Variants in KAZN observed in about 807,000 individuals in gnomAD.
KAZN encodes the protein kazrin, periplakin interacting protein, also known as kazrin.
Under a neutral mutation model 87.4 loss-of-function variants are expected in KAZN, and 40 were observed. The observed-to-expected ratio is 0.46, with a 90% CI of 0.36 to 0.60. The LOEUF is 0.60. Ranked by LOEUF, KAZN falls within the 20% of genes least tolerant of loss-of-function variation. The pLI, the probability that KAZN is intolerant of heterozygous loss-of-function variation, is 0.00. For missense variants in KAZN, 898 were observed against 1,073.9 expected (o/e 0.84, Z 2.29); for synonymous variants, 466 against 458.3 (o/e 1.02, Z -0.22).
At chr1:14,895,508 G>C (rs534743355) in intron 1 of KAZN, among the ~76,000 whole-genome samples, 1 of 152,188 alleles carries the variant, frequency 6.6e-6, no homozygotes, top group Non-Finnish European at 1.5e-5. Flanking sequence ...CCTTCCCCTG[G>C]GATCACATCA....
At chr1:14,143,563 T>A (rs867112943) in intron 1 of KAZN, among the ~76,000 whole-genome samples, 1 of 152,158 alleles carries the variant, frequency 6.6e-6, no homozygotes. Context: ...GTGTCAGAAT[T>A]TTTGTGAAAT....
At chr1:14,833,182 G>A (rs555455239) in intron 1 of KAZN, among the ~76,000 whole-genome samples, 4 of 152,298 alleles carry the variant, frequency 2.6e-5, no homozygotes, top group African/African-American at 9.6e-5. Context: ...TGAGGCAGAG[G>A]GAGTGAACCA....
chr1:14,091,583 T>C (rs1001025561), intron 1 of KAZN, among the ~76,000 whole-genome samples: 1 of 152,238 alleles, frequency 6.6e-6, no homozygotes, highest in African/African-American at 2.4e-5. Flanking sequence ...TACATCTTAC[T>C]GTAACATTTA....
intron 1 of KAZN, among the ~76,000 whole-genome samples, chr1:14,656,961 C>A (rs971128010): frequency 1.3e-5 from 2 of 152,224 alleles, no homozygotes; most frequent in African/African-American, 4.8e-5. Flanking sequence ...GGCGGAGATT[C>A]CTCTAGCTGG....
intron 14 of KAZN, chr1:15,114,233 G>C (rs1641759920): frequency 2.1e-6 from 1 of 469,118 alleles, no homozygotes; most frequent in Non-Finnish European, 3.9e-6. Context: ...CCTCACCCTT[G>C]GTAACCAACT....
At chr1:14,513,946 T>C (rs1035050955) in intron 2 of KAZN, among the ~76,000 whole-genome samples, 5 of 152,026 alleles carry the variant, frequency 3.3e-5, no homozygotes, top group African/African-American at 1.2e-4. Flanking sequence ...AATTTTCTCA[T>C]TTAAAGATAC....
chr1:14,005,903 G>A (rs1161856581), intron 1 of KAZN, among the ~76,000 whole-genome samples: 4 of 152,196 alleles, frequency 2.6e-5, no homozygotes, highest in African/African-American at 7.2e-5. Context: ...GGGCACTGTA[G>A]CATTCCCACT....
chr1:14,496,775 A>G (rs1339650162), intron 2 of KAZN, among the ~76,000 whole-genome samples: 2 of 152,112 alleles, frequency 1.3e-5, no homozygotes, highest in African/African-American at 4.8e-5. Flanking sequence ...GCGCGCCTAC[A>G]TGCAAAGCGT....
Position 14,599,693 on chromosome 1 carries a change from G to A in KAZN, c.226+470G>A, listed in dbSNP as rs1294867716. On this transcript the variant is annotated intron_variant, in intron 1 of 14. Transcript: ENST00000376030. The surrounding 1 kb of genome is among the most constrained non-coding windows in gnomAD (Gnocchi z 4.4). ...ATTGCACTGCTGTGCACTTTTCTCC[G>A]CGGATGCCAAATCCCTTGGCTCAGT... 6.6e-6 allele frequency among the ~76,000 whole-genome samples: 1 copy of A among 152,198 alleles called. No individual in the cohort carries two copies. The highest frequency in any genetic ancestry group is 1.5e-5 in the Non-Finnish European group (1 of 68,040).
chr1:14,776,684 T>G (rs1030020773), intron 1 of KAZN, among the ~76,000 whole-genome samples: 9 of 152,156 alleles, frequency 5.9e-5, no homozygotes, highest in African/African-American at 1.7e-4. Flanking sequence ...CCCAGCACTT[T>G]GAGAGGCCTA....
At chr1:14,662,966 T>A (rs56358957) in intron 1 of KAZN, among the ~76,000 whole-genome samples, 2 of 133,922 alleles carry the variant, frequency 1.5e-5, no homozygotes, top group African/African-American at 5.4e-5. Context: ...TATGCACACA[T>A]ATATATATAT....
At chr1:14,059,271 G>A (rs1302273199) in intron 1 of KAZN, among the ~76,000 whole-genome samples, 1 of 152,190 alleles carries the variant, frequency 6.6e-6, no homozygotes, top group Non-Finnish European at 1.5e-5. Context: ...CTCAGTCTGA[G>A]TCCAAAAGCC....
chr1:14,567,890 C>A (rs59227365), intron 2 of KAZN, among the ~76,000 whole-genome samples: 7,504 of 152,190 alleles, frequency 0.049, 660 homozygotes, highest in African/African-American at 0.17. Context: ...AGGCAGAATT[C>A]TAAAACCACC....
chr1:14,025,788 T>C (rs1057206462), intron 1 of KAZN, among the ~76,000 whole-genome samples: 4 of 152,202 alleles, frequency 2.6e-5, no homozygotes, highest in African/African-American at 9.7e-5. Context: ...GGCTACCATA[T>C]TGGCTCCAGA....
intron 2 of KAZN, among the ~76,000 whole-genome samples, chr1:14,394,710 CCACT>C (rs1203427440): frequency 6.6e-6 from 1 of 152,224 alleles, no homozygotes; most frequent in African/African-American, 2.4e-5. Flanking sequence ...GAGCTAACTC[CCACT>C]GTTTCTCAGT....
At chr1:14,761,711 CA>C (rs1352886781) in intron 1 of KAZN, among the ~76,000 whole-genome samples, 1 of 152,180 alleles carries the variant, frequency 6.6e-6, no homozygotes, top group African/African-American at 2.4e-5. Flanking sequence ...GAACATCTCA[CA>C]GGGGGATTTG....
In KAZN at chr1:14,849,938, CT is replaced by C. The variant is rs574691073; in HGVS notation, c.227-110732del. Among the ~76,000 whole-genome samples the C allele has an allele frequency of 6.1e-3, 873 of 143,082 alleles. 4 individuals carry two copies. The highest frequency in any genetic ancestry group is 0.014 in the African/African-American group (534 of 38,908). The allele number at this position is 143,082 out of a possible 152,430, so 93.9% of individuals were successfully genotyped here. ...CACTTGGGTAGATTTTCTACCCCCC[CT>C]TTTTTTTTTTTTTGAAACAGAGTAT... is the stretch of plus-strand genomic sequence containing the variant. On this transcript the variant is annotated intron_variant, in intron 1 of 14. Transcript: ENST00000376030.
At chr1:14,936,307 T>C (rs1346679872) in intron 1 of KAZN, among the ~76,000 whole-genome samples, 1 of 152,198 alleles carries the variant, frequency 6.6e-6, no homozygotes, top group Non-Finnish European at 1.5e-5. Flanking sequence ...TGAGGCACAT[T>C]AGAGATGCGG....
At chr1:14,158,932 C>T (rs963148303) in intron 1 of KAZN, among the ~76,000 whole-genome samples, 2 of 151,910 alleles carry the variant, frequency 1.3e-5, no homozygotes, top group African/African-American at 4.8e-5. Flanking sequence ...TTCTTTTTTT[C>T]TTCCCTTACT....
Sources: allele counts gnomAD v4.1 joint callset (sites outside exome capture counted in the v4.1 genomes callset), GRCh38; gene constraint gnomAD v4.1.1; non-coding constraint Gnocchi (gnomAD v3.1); transcripts MANE v1.5; gene names NCBI Gene and HGNC (gene_info 2026-07-23, HGNC 2026-07-21).